TNKS: variants seen among roughly 807,000 people sequenced by gnomAD.
TNKS encodes the protein tankyrase, also known as poly [ADP-ribose] polymerase tankyrase-1.
Under a neutral mutation model 135.8 loss-of-function variants are expected in TNKS, and 72 were observed. The observed-to-expected ratio is 0.53, with a 90% confidence interval of 0.44 to 0.64. TNKS has a LOEUF of 0.64. TNKS is among the 30% of genes least tolerant of loss of function. The pLI is 0.00. For missense variants in TNKS, 1,769 were observed against 1,674.0 expected, an observed-to-expected ratio of 1.06 and a Z score of -0.99; for synonymous variants, 849 against 649.3, an observed-to-expected ratio of 1.31 and a Z score of -4.68.
chr8:9,569,292 A>C (rs1797671332), intron 1 of TNKS, among the ~76,000 whole-genome samples: 1 of 152,170 alleles, frequency 6.6e-6, no homozygotes, highest in Non-Finnish European at 1.5e-5. Flanking sequence ...CACACATCAT[A>C]AGTGTACCGG....
chr8:9,596,655 C>T (rs868203514), intron 2 of TNKS, among the ~76,000 whole-genome samples: 4 of 152,156 alleles, frequency 2.6e-5, no homozygotes, highest in Non-Finnish European at 5.9e-5. Flanking sequence ...GCCAAAGATA[C>T]ATTTATTTTG....
chr8:9,630,435 C>G (rs997333296), intron 3 of TNKS, among the ~76,000 whole-genome samples: 8 of 152,132 alleles, frequency 5.3e-5, no homozygotes, highest in Non-Finnish European at 1.0e-4. Context: ...GTTGTCTTGT[C>G]TGGTGGTTGG....
At position 9,621,337 on chromosome 8, in the gene TNKS, T is replaced by C. The variant is rs558575905; in HGVS notation, c.994+5660T>C. Among the ~76,000 whole-genome samples the C allele has an allele frequency of 2.2e-3, 317 of 147,354 alleles. 1 individual carries two copies. The highest frequency in any genetic ancestry group is 7.6e-3 in the African/African-American group (304 of 39,844). The stretch of plus-strand genomic sequence containing the variant: ...TTTTTTTTTTGAGACGGAGTTTCAC[T>C]CTTGTTGCCCAGGCTGGAGTACAAT... On this transcript the variant is annotated intron_variant, in intron 3 of 26. Coordinates refer to ENST00000310430, the MANE Select transcript of TNKS (RefSeq NM_003747.3).
At chr8:9,667,310 AGAACTCTCAGGATATAT>A (rs1219324103) in intron 3 of TNKS, among the ~76,000 whole-genome samples, 1 of 152,272 alleles carries the variant, frequency 6.6e-6, no homozygotes, top group Non-Finnish European at 1.5e-5. Context: ...CTGCAATCTC[AGAACTCTCAGGATATAT>A]GAACAAAGCG....
At chr8:9,658,444 A>G in intron 3 of TNKS, 5 of 1,164,338 alleles carry the variant, frequency 4.3e-6, no homozygotes, top group South Asian at 3.2e-5. Context: ...GGCTGCCAAG[A>G]AAAGAATTTT....
At chr8:9,716,942 G>A in intron 11 of TNKS, among the ~76,000 whole-genome samples, 1 of 151,056 alleles carries the variant, frequency 6.6e-6, no homozygotes, top group Non-Finnish European at 1.5e-5. Context: ...AGAGTCGCTT[G>A]TTGAGTACGA....
chr8:9,621,232 C>T (rs1799853980), intron 3 of TNKS, among the ~76,000 whole-genome samples: 1 of 151,998 alleles, frequency 6.6e-6, no homozygotes, highest in Non-Finnish European at 1.5e-5. Flanking sequence ...TGAGAACATT[C>T]CAATTCTGGA....
intron 2 of TNKS, among the ~76,000 whole-genome samples, chr8:9,607,261 T>A (rs530009543): frequency 6.6e-6 from 1 of 152,302 alleles, no homozygotes; most frequent in East Asian, 1.9e-4. Context: ...TTTATGCAAA[T>A]GTTATTCATA....
In TNKS at chr8:9,645,343, CAG is replaced by C. The variant is rs1800882384; in HGVS notation, c.994+29669_994+29670del. Reference sequence around the variant, plus strand: ...AATGGTGTGAATTCACCACAGTGGTCAGAGTTTTCAAAGACCATGCTGCACAG... The same window carrying C: ...AATGGTGTGAATTCACCACAGTGGTCAGTTTTCAAAGACCATGCTGCACAG... On this transcript the variant is annotated intron_variant, in intron 3 of 26. Transcript: ENST00000310430. Among the ~76,000 whole-genome samples, 3 of 152,088 alleles carry C rather than the reference CAG, an allele frequency of 2.0e-5. No homozygotes were observed. In the South Asian group the frequency reaches 6.2e-4, roughly 32 times the overall value.
At chr8:9,743,526 C>T (rs1806078942) in intron 17 of TNKS, 3 of 152,058 alleles carry the variant, frequency 2.0e-5, no homozygotes, top group Admixed American at 2.0e-4. Flanking sequence ...TGAGACCATG[C>T]ATGTGGAAAT....
At chr8:9,645,470 A>G in intron 3 of TNKS, among the ~76,000 whole-genome samples, 1 of 152,156 alleles carries the variant, frequency 6.6e-6, no homozygotes, top group East Asian at 1.9e-4. Context: ...ACCTCAGAAC[A>G]ATTTTAACAG....
At chr8:9,590,665 GTAA>G (rs1230657897) in intron 2 of TNKS, among the ~76,000 whole-genome samples, 1 of 152,144 alleles carries the variant, frequency 6.6e-6, no homozygotes, top group Non-Finnish European at 1.5e-5. Context: ...TGCCTGATAA[GTAA>G]TGATGTTGAG....
At chr8:9,709,898 AGAGCTACTGTACATAT>A (rs1317256445) in intron 9 of TNKS, 41 bp from the exon 10 acceptor site, 1 of 1,338,794 alleles carries the variant, frequency 7.5e-7, no homozygotes, top group Non-Finnish European at 1.1e-6. Context: ...TTCAATTCCA[AGAGCTACTGTACATAT>A]GGAAGTGTAT....
intron 2 of TNKS, among the ~76,000 whole-genome samples, chr8:9,609,198 C>G (rs1168019097): frequency 6.6e-6 from 1 of 151,974 alleles, no homozygotes; most frequent in Non-Finnish European, 1.5e-5. Flanking sequence ...TGGGTCTGTT[C>G]TTGAGTTGTC....
chr8:9,693,632 T>A (rs1803381138), intron 5 of TNKS, among the ~76,000 whole-genome samples: 1 of 152,092 alleles, frequency 6.6e-6, no homozygotes, highest in African/African-American at 2.4e-5. Flanking sequence ...TATACAATAC[T>A]TTATTTGTGA....
chr8:9,772,450 T>C (rs1192984303), intron 26 of TNKS: 1 of 453,566 alleles, frequency 2.2e-6, no homozygotes, highest in South Asian at 1.6e-5. Context: ...TGAGGAATGT[T>C]TTACTTTTTT....
At chr8:9,568,285 T>C (rs1171244926) in intron 1 of TNKS, among the ~76,000 whole-genome samples, 1 of 152,222 alleles carries the variant, frequency 6.6e-6, no homozygotes, top group Non-Finnish European at 1.5e-5. Context: ...TGTAAGGTTT[T>C]TGAGTAGTTC....
intron 5 of TNKS, 56 bp downstream of exon 5, chr8:9,680,856 T>A: frequency 7.4e-7 from 1 of 1,357,426 alleles, no homozygotes; most frequent in Non-Finnish European, 1.1e-6. Context: ...ATTTTGTGAA[T>A]GTGGCATATA....
intron 2 of TNKS, among the ~76,000 whole-genome samples, chr8:9,595,691 T>C (rs1349149982): frequency 2.0e-5 from 3 of 152,066 alleles, no homozygotes; most frequent in African/African-American, 7.2e-5. Flanking sequence ...AGCAAAAAAC[T>C]AGAAAAAAAA....
Sources: allele counts gnomAD v4.1 joint callset (sites outside exome capture counted in the v4.1 genomes callset), GRCh38; gene constraint gnomAD v4.1.1; transcripts MANE v1.5; gene names NCBI Gene and HGNC (gene_info 2026-07-23, HGNC 2026-07-21).